The following LRP2 variants were observed in gnomAD, a reference collection of about 807,000 sequenced individuals.
The protein encoded by LRP2 is LDL receptor related protein 2, also known as low-density lipoprotein receptor-related protein 2.
LRP2 carries 172 observed loss-of-function variants against 531.0 expected under a neutral mutation model. That is an observed-to-expected ratio of 0.32 (90% CI 0.29 to 0.37). The LOEUF (loss-of-function observed/expected upper bound fraction) is 0.37. LRP2 is among the 10% of genes least tolerant of loss of function. The pLI is 1.00. For missense variants in LRP2, 5,167 were observed against 5,868.3 expected (o/e 0.88, Z 3.90); for synonymous variants, 1,992 against 2,027.6 (o/e 0.98, Z 0.47).
At position 169,176,516 on chromosome 2, in the gene LRP2, A is replaced by C. The variant is rs766876637; in HGVS notation, c.10466T>G (p.Phe3489Cys). The change falls in exon 54 of 79, where the codon TTC becomes TGC. Residue 3489 changes from phenylalanine to cysteine, a missense_variant. Around this residue, in one of 6 missense-constraint regions of LRP2, gnomAD observed 1,129 missense variants for 1,362.7 expected, o/e 0.83. Coordinates refer to ENST00000649046, the MANE Select transcript of LRP2 (RefSeq NM_004525.3). ...GAAGTCATCTGGACACTCGCAAGTG[A>C]ACCCTTTTCCTCCTGGCTTGATGAG... ...LCLIKPGGKG[F>C]TCECPDDFRT... The C allele has an allele frequency of 2.5e-6, 4 of 1,614,192 alleles. No individual in the cohort carries two copies. The Admixed American group carries it at 6.7e-5, about 27-fold the overall frequency.
Position 169,213,224 on chromosome 2 carries a change from C to T in LRP2, c.6040+433G>A, listed in dbSNP as rs550807506. Among the ~76,000 whole-genome samples the T allele has an allele frequency of 2.2e-4, 33 of 152,322 alleles. No individual in the cohort carries two copies. The South Asian group carries it at 6.8e-3, about 32-fold the overall frequency. On this transcript the variant is annotated intron_variant, in intron 36 of 78. Coordinates refer to ENST00000649046, the MANE Select transcript of LRP2 (RefSeq NM_004525.3). ...AAAAATTCCATCCCATTAGCACTTT[C>T]CCAGCAGGCATCCAACTCATATGCC...
chr2:169,237,044 GTTGTTT>G, intron 28 of LRP2, 53 bp downstream of exon 28: 1 of 1,406,480 alleles, frequency 7.1e-7, no homozygotes, highest in Non-Finnish European at 1.0e-6. Context: ...TCATGTTACT[GTTGTTT>G]TTCCCTCATC....
chr2:169,240,859 A>G lies in LRP2; in HGVS notation c.4045+129T>C, dbSNP rs1313421442. The stretch of plus-strand genomic sequence containing the variant: ...ATTCAATTATGGTTACCCCCTACAC[A>G]GATGTGAACTCATAGAGGAACTGAA... On this transcript the variant is annotated intron_variant, in intron 25 of 78. Transcript: ENST00000649046. 10 of 1,070,096 alleles carry G rather than the reference A, an allele frequency of 9.3e-6. No homozygotes were observed. The East Asian group carries it at 2.1e-4, about 23-fold the overall frequency. 66.3% of individuals were successfully genotyped at this position (1,070,096 alleles called of 1,614,324 possible).
intron 4 of LRP2, among the ~76,000 whole-genome samples, chr2:169,299,036 T>C (rs1286410182): frequency 7.0e-6 from 1 of 143,508 alleles, no homozygotes; most frequent in Non-Finnish European, 1.5e-5. Context: ...ACCAGATTTA[T>C]TAAAAAAGAA....
intron 53 of LRP2, 78 bp downstream of exon 53, chr2:169,177,725 G>A (rs1001514913): frequency 2.3e-5 from 29 of 1,239,890 alleles, no homozygotes; most frequent in Admixed American, 1.0e-4. Flanking sequence ...TGTAAATCAC[G>A]AAGTTCATGC....
chr2:169,204,105 C>T lies in LRP2; in HGVS notation c.7882G>A (p.Ala2628Thr). The T allele has an allele frequency of 5.6e-6, 9 of 1,614,166 alleles. No homozygotes were observed. Among genetic ancestry groups the T allele is most frequent in the Non-Finnish European group, 7.6e-6 (9 of 1,180,028 alleles). Reference protein sequence around the residue: ...ANKYDGSGQIAMTTNLLSQPR... With the variant: ...ANKYDGSGQITMTTNLLSQPR... ...TGGGAGAGCAAATTTGTGGTCATTG[C>T]AATCTGACCTGACCCGTCATATTTG... The change falls in exon 42 of 79, where the codon GCA (alanine) becomes ACA (threonine). Residue 2628 changes from alanine to threonine, a missense_variant. Ala to Thr is a moderately conservative substitution (Grantham distance 58, BLOSUM62 0). Coordinates refer to ENST00000649046, the MANE Select transcript of LRP2 (RefSeq NM_004525.3).
chr2:169,317,254 C>T (rs1684787628), intron 3 of LRP2, among the ~76,000 whole-genome samples: 1 of 152,164 alleles, frequency 6.6e-6, no homozygotes. Context: ...AAGGGTCATC[C>T]ACCACACATT....
intron 44 of LRP2, among the ~76,000 whole-genome samples, chr2:169,200,168 G>A (rs567602100): frequency 1.2e-4 from 19 of 152,178 alleles, no homozygotes; most frequent in African/African-American, 3.6e-4. Flanking sequence ...GGAGAATGGC[G>A]TGAACCCGGG....
chr2:169,247,642 AAT>A, intron 19 of LRP2, 127 bp from the exon 20 acceptor site: 1 of 1,004,800 alleles, frequency 1.0e-6, no homozygotes, highest in South Asian at 1.4e-5. Flanking sequence ...AAATATCTGT[AAT>A]ATGTTTCTCT....
intron 3 of LRP2, among the ~76,000 whole-genome samples, chr2:169,311,132 T>C (rs1254239647): frequency 6.6e-6 from 1 of 152,206 alleles, no homozygotes; most frequent in East Asian, 1.9e-4. Context: ...TCAATTTTGT[T>C]GATCTTTTCA....
chr2:169,186,616 C>T (rs553912763), intron 49 of LRP2, among the ~76,000 whole-genome samples: 5 of 152,308 alleles, frequency 3.3e-5, no homozygotes, highest in South Asian at 2.1e-4. Context: ...AATCCATTAT[C>T]CAAATATCAG....
At chr2:169,235,302 C>T (rs1689564686) in intron 29 of LRP2, among the ~76,000 whole-genome samples, 1 of 150,510 alleles carries the variant, frequency 6.6e-6, no homozygotes, top group Non-Finnish European at 1.5e-5. Context: ...TGCAGTGAGG[C>T]AATCTCAGCT....
At chr2:169,264,535 T>A (rs1220882468) in intron 16 of LRP2, among the ~76,000 whole-genome samples, 1 of 152,066 alleles carries the variant, frequency 6.6e-6, no homozygotes, top group Non-Finnish European at 1.5e-5. Context: ...CAAACATGTT[T>A]ATCTCCTCTT....
rs200008273 is a variant in LRP2, at chr2:169,212,894, C to G, written c.6041-687G>C. ...AGAACTTACTCATGTAACCAAACACCACCTGTACCCCAAAAACCTATGGAA... is the reference window on the plus strand; with the variant it reads ...AGAACTTACTCATGTAACCAAACACGACCTGTACCCCAAAAACCTATGGAA... On this transcript the variant is annotated intron_variant, in intron 36 of 78. Transcript: ENST00000649046. Among the ~76,000 whole-genome samples, 4 of 151,862 alleles carry G rather than the reference C, an allele frequency of 2.6e-5. No individual in the cohort carries two copies. In the East Asian group the frequency reaches 7.7e-4, roughly 29 times the overall value.
chr2:169,217,626 T>C (rs996927014), intron 34 of LRP2, among the ~76,000 whole-genome samples: 35 of 152,136 alleles, frequency 2.3e-4, no homozygotes, highest in African/African-American at 2.4e-5. Flanking sequence ...ACCAAGAGTT[T>C]CCTGGACATA....
intron 68 of LRP2, among the ~76,000 whole-genome samples, chr2:169,148,944 G>A (rs1165861258): frequency 1.3e-5 from 2 of 152,108 alleles, no homozygotes; most frequent in African/African-American, 4.8e-5. Context: ...TACTACCAGT[G>A]GATCCCAACC....
At chr2:169,190,680 A>C (rs1303589877) in intron 48 of LRP2, among the ~76,000 whole-genome samples, 1 of 152,134 alleles carries the variant, frequency 6.6e-6, no homozygotes, top group Non-Finnish European at 1.5e-5. Flanking sequence ...GTGTCCCTTA[A>C]CAGTCCTTGG....
At chr2:169,308,127 A>G (rs1419485910) in intron 3 of LRP2, among the ~76,000 whole-genome samples, 1 of 152,168 alleles carries the variant, frequency 6.6e-6, no homozygotes, top group Non-Finnish European at 1.5e-5. Flanking sequence ...GCTTTGGGGG[A>G]AAACGTGATC....
At chr2:169,158,594 T>A (rs1291294802) in intron 63 of LRP2, among the ~76,000 whole-genome samples, 1 of 151,934 alleles carries the variant, frequency 6.6e-6, no homozygotes, top group Non-Finnish European at 1.5e-5. Flanking sequence ...TGAATTGCTA[T>A]GTGATTATTA....
Sources: allele counts gnomAD v4.1 joint callset (sites outside exome capture counted in the v4.1 genomes callset), GRCh38; gene constraint gnomAD v4.1.1; regional missense constraint gnomAD v4.1.1; transcripts MANE v1.5; gene names NCBI Gene and HGNC (gene_info 2026-07-23, HGNC 2026-07-21).